The following RPL26L1 variants were observed in gnomAD, a reference collection of about 807,000 sequenced individuals.
RPL26L1 encodes the protein ribosomal protein uL24-like.
A neutral mutation model predicts 15.2 loss-of-function variants in RPL26L1; 8 were observed. The ratio of observed to expected loss-of-function variants is 0.53; its 90% CI spans 0.31 to 0.95. RPL26L1 has a LOEUF of 0.95. RPL26L1 is among the 40% of genes least tolerant of loss of function. The probability of loss-of-function intolerance (pLI) is 0.05; values close to 1 mark genes in which losing one functional copy is unlikely to be tolerated. For missense variants in RPL26L1, 146 were observed against 190.9 expected (o/e 0.76, Z 1.39); for synonymous variants, 51 against 65.9 (o/e 0.77, Z 1.09).
At chr5:172,958,387 G>A (rs1463533365), upstream of RPL26L1, 9 of 456,044 alleles carry the variant, frequency 2.0e-5, no homozygotes, top group East Asian at 6.2e-4. Context: ...TGTGGCTGCT[G>A]TACTTGCAAG....
Position 172,969,762 on chromosome 5 carries a change from T to G in RPL26L1, c.*221T>G. 2.6e-6 allele frequency: 1 copy of G among 387,206 alleles called. No homozygotes were observed. Among genetic ancestry groups the G allele is most frequent in the South Asian group, 2.7e-5 (1 of 36,964 alleles). 24.0% of individuals were successfully genotyped at this position (387,206 alleles called of 1,614,324 possible). A position where few individuals can be genotyped will look rare whatever the true frequency, so the allele number is the denominator to read the frequency against. On this transcript the variant is annotated 3_prime_UTR_variant, in exon 4 of 4. Coordinates refer to ENST00000265100, the MANE Select transcript of RPL26L1 (RefSeq NM_016093.4). ...GCATTGTTTTATAAATAAATTCCAC[T>G]TACTATCAATTCCCCTTTGCCAGTC...
At chr5:172,967,066 G>C (rs1755486411) in intron 2 of RPL26L1, among the ~76,000 whole-genome samples, 2 of 151,856 alleles carry the variant, frequency 1.3e-5, no homozygotes, top group South Asian at 4.1e-4. Context: ...ATGTTGGCCT[G>C]GATGGTCTCG....
At chr5:172,955,677 A>G (rs1309074809), upstream of RPL26L1, 1 of 152,268 alleles carries the variant, frequency 6.6e-6, no homozygotes, top group Non-Finnish European at 1.5e-5. Flanking sequence ...TTATGGAGTG[A>G]TGAGGTCACG....
upstream of RPL26L1, chr5:172,958,502 C>G: frequency 2.2e-6 from 1 of 452,306 alleles, no homozygotes; most frequent in Non-Finnish European, 4.5e-6. Context: ...TTAATAACAC[C>G]TTGCATAGAA....
intron 2 of RPL26L1, among the ~76,000 whole-genome samples, chr5:172,962,648 C>T (rs1426630417): frequency 6.6e-6 from 1 of 151,782 alleles, no homozygotes; most frequent in Non-Finnish European, 1.5e-5. Flanking sequence ...AAACCCATCT[C>T]TACTAAAAAT....
chr5:172,956,931 C>CT, upstream of RPL26L1: 1 of 274,724 alleles, frequency 3.6e-6, no homozygotes, highest in South Asian at 3.2e-5. Flanking sequence ...GAGCGAGACT[C>CT]TATCTCGAAA....
At chr5:172,964,773 A>G (rs752045389) in intron 2 of RPL26L1, among the ~76,000 whole-genome samples, 10 of 152,130 alleles carry the variant, frequency 6.6e-5, no homozygotes, top group Non-Finnish European at 1.2e-4. Flanking sequence ...GGTTCCTCCT[A>G]CTTTACAGAG....
At chr5:172,967,231 G>A (rs900504453) in intron 2 of RPL26L1, among the ~76,000 whole-genome samples, 5 of 151,814 alleles carry the variant, frequency 3.3e-5, no homozygotes, top group African/African-American at 7.2e-5. Flanking sequence ...TTGGGAGGCC[G>A]AGGCAGGCAG....
Position 172,960,018 on chromosome 5 carries a change from A to T in RPL26L1, c.145A>T (p.Ile49Phe). Reference sequence around the variant, plus strand: ...GAAGTACAATGTCCGCTCCATGCCCATCCGCAAGGACGACGAGGTCCAGGT... The same window carrying T: ...GAAGTACAATGTCCGCTCCATGCCCTTCCGCAAGGACGACGAGGTCCAGGT... Reference protein sequence around the residue: ...RQKYNVRSMPIRKDDEVQVVR... With the variant: ...RQKYNVRSMPFRKDDEVQVVR... The change falls in exon 2 of 4, where the codon ATC (isoleucine) becomes TTC (phenylalanine). Residue 49 changes from isoleucine (I) to phenylalanine (F), a missense_variant. Ile to Phe is a conservative substitution (Grantham distance 21). Coordinates refer to ENST00000265100, the MANE Select transcript of RPL26L1 (RefSeq NM_016093.4). The T allele has an allele frequency of 6.2e-7, 1 of 1,614,144 alleles. No individual in the cohort carries two copies.
chr5:172,968,689 G>A (rs1447960189), intron 3 of RPL26L1, 90 bp downstream of exon 3: 2 of 1,451,072 alleles, frequency 1.4e-6, no homozygotes, highest in South Asian at 1.2e-5. Context: ...CTGCACAGTT[G>A]GCTGAGGCAG....
intron 2 of RPL26L1, among the ~76,000 whole-genome samples, chr5:172,964,548 A>G (rs909565363): frequency 6.6e-6 from 1 of 152,000 alleles, no homozygotes; most frequent in Admixed American, 6.5e-5. Flanking sequence ...AGCCTCCCCA[A>G]GTGCTGGGAT....
intron 2 of RPL26L1, among the ~76,000 whole-genome samples, chr5:172,960,474 G>T (rs544596244): frequency 1.3e-5 from 2 of 152,244 alleles, no homozygotes; most frequent in Admixed American, 1.3e-4. Context: ...GTTGCCCAGG[G>T]TGGCTTGTTG....
intron 2 of RPL26L1, among the ~76,000 whole-genome samples, chr5:172,961,427 A>C (rs1024567701): frequency 6.6e-6 from 1 of 152,202 alleles, no homozygotes; most frequent in African/African-American, 2.4e-5. Flanking sequence ...CCTGGGGGAA[A>C]TGCAGGCCCA....
upstream of RPL26L1, chr5:172,957,497 T>G (rs552278236): frequency 1.0e-5 from 3 of 298,012 alleles, no homozygotes; most frequent in Admixed American, 9.2e-5. Flanking sequence ...TGTACCTGGC[T>G]CCATGTAGGT....
intron 2 of RPL26L1, among the ~76,000 whole-genome samples, chr5:172,965,344 T>C (rs770296822): frequency 2.8e-4 from 42 of 152,224 alleles, no homozygotes; most frequent in Non-Finnish European, 5.7e-4. Flanking sequence ...TCCATCAGCA[T>C]TTAAACACAA....
chr5:172,956,966 C>T (rs958197128), upstream of RPL26L1: 3 of 256,336 alleles, frequency 1.2e-5, no homozygotes, highest in Non-Finnish European at 2.4e-5. Context: ...TGACACCAAA[C>T]CAATGAGGTA....
chr5:172,964,120 TTTTAAA>T (rs1755351859), intron 2 of RPL26L1, among the ~76,000 whole-genome samples: 1 of 151,744 alleles, frequency 6.6e-6, no homozygotes, highest in East Asian at 1.9e-4. Flanking sequence ...TATATATATA[TTTTAAA>T]TTAGAGACAT....
At chr5:172,956,625 T>G (rs1754982526), upstream of RPL26L1, among the ~76,000 whole-genome samples, 1 of 152,186 alleles carries the variant, frequency 6.6e-6, no homozygotes, top group African/African-American at 2.4e-5. Context: ...TGCCAGGTAT[T>G]GTGCTAAGGG....
upstream of RPL26L1, chr5:172,957,024 C>A: frequency 2.8e-6 from 1 of 361,944 alleles, no homozygotes; most frequent in Non-Finnish European, 5.4e-6. Flanking sequence ...ACTGAGTGAC[C>A]AAGAGGCTGA....
Sources: gnomAD v4.1 joint callset for allele counts (sites outside exome capture counted in the v4.1 genomes callset) on GRCh38, gnomAD v4.1.1 for gene constraint, MANE v1.5 for transcripts, NCBI Gene and HGNC (gene_info 2026-07-23, HGNC 2026-07-21) for gene names.